ARMC3: variants seen among roughly 807,000 people sequenced by gnomAD.
The protein encoded by ARMC3 is armadillo repeat-containing protein 3.
ARMC3 carries 74 observed loss-of-function variants against 90.3 expected under a neutral mutation model. That is an observed-to-expected ratio of 0.82 (90% CI 0.68 to 0.99). ARMC3 has a LOEUF of 0.99. ARMC3 is among the 50% of genes least tolerant of loss of function. ARMC3 has a pLI of 0.00. For synonymous variants in ARMC3, 334 were observed against 361.8 expected, an observed-to-expected ratio of 0.92 and a Z score of 0.87; for missense variants, 958 against 1,042.8, an observed-to-expected ratio of 0.92 and a Z score of 1.12.
intron 2 of ARMC3, among the ~76,000 whole-genome samples, chr10:22,938,534 A>G (rs183629171): frequency 4.5e-4 from 68 of 152,318 alleles, no homozygotes; most frequent in African/African-American, 1.6e-3. Flanking sequence ...TGCAGTTAAG[A>G]TACAATGGCA....
At chr10:22,933,710 C>A (rs1834017337) in intron 2 of ARMC3, among the ~76,000 whole-genome samples, 1 of 152,006 alleles carries the variant, frequency 6.6e-6, no homozygotes, top group South Asian at 2.1e-4. Flanking sequence ...ATGGTGAAAC[C>A]CCGTCTCTAC....
chr10:22,966,716 T>A (rs1835454680), intron 7 of ARMC3, among the ~76,000 whole-genome samples: 1 of 152,054 alleles, frequency 6.6e-6, no homozygotes, highest in African/African-American at 2.4e-5. Context: ...TCAGGAAACT[T>A]ACAATCATAG....
chr10:22,929,243 A>C (rs1432103514), intron 1 of ARMC3, among the ~76,000 whole-genome samples: 1 of 151,202 alleles, frequency 6.6e-6, no homozygotes, highest in Admixed American at 6.6e-5. Context: ...AAGAAAAAGA[A>C]AAAAAGAGAA....
At position 23,036,726 on chromosome 10, in the gene ARMC3, A is replaced by AATC. The variant is rs547566946; in HGVS notation, c.2410-539_2410-537dup. On this transcript the variant is annotated intron_variant, in intron 18 of 18. Coordinates refer to ENST00000298032, the MANE Select transcript of ARMC3 (RefSeq NM_173081.5). ...TTGTTTTAATAACCTCAAAATCAGG[A>AATC]ATCATCAGAGGGCAAATTCAAGAGA... Among the ~76,000 whole-genome samples the AATC allele has an allele frequency of 2.8e-3, 431 of 152,324 alleles. 4 individuals are homozygous for AATC. The highest frequency in any genetic ancestry group is 9.7e-3 in the African/African-American group (403 of 41,560).
chr10:22,975,221 G>C (rs190209232), intron 8 of ARMC3, among the ~76,000 whole-genome samples: 1 of 152,190 alleles, frequency 6.6e-6, no homozygotes, highest in African/African-American at 2.4e-5. Context: ...AATTTAACTG[G>C]GTTTGGAATT....
intron 1 of ARMC3, among the ~76,000 whole-genome samples, chr10:22,931,516 G>T (rs1352697298): frequency 2.0e-5 from 3 of 152,118 alleles, no homozygotes; most frequent in Non-Finnish European, 4.4e-5. Flanking sequence ...AGGAAAAATG[G>T]AGTTAATGAG....
At chr10:22,959,018 C>A (rs951699076) in intron 4 of ARMC3, 52 bp from the exon 5 acceptor site, 7 of 1,426,712 alleles carry the variant, frequency 4.9e-6, no homozygotes, top group Non-Finnish European at 4.0e-6. Context: ...CCACCACACC[C>A]GGCCTATTAT....
chr10:23,011,562 T>G (rs1036015963), intron 16 of ARMC3, among the ~76,000 whole-genome samples: 1 of 152,200 alleles, frequency 6.6e-6, no homozygotes, highest in Non-Finnish European at 1.5e-5. Flanking sequence ...AGTGCAGGGA[T>G]GCAGAGGGTC....
intron 16 of ARMC3, among the ~76,000 whole-genome samples, chr10:23,026,691 T>C (rs1211971833): frequency 1.3e-5 from 2 of 152,194 alleles, no homozygotes; most frequent in Non-Finnish European, 2.9e-5. Context: ...ACTAGGATAT[T>C]GACATTGATA....
intron 3 of ARMC3, among the ~76,000 whole-genome samples, chr10:22,949,773 G>A (rs968295531): frequency 6.6e-6 from 1 of 152,006 alleles, no homozygotes; most frequent in African/African-American, 2.4e-5. Flanking sequence ...AAACCCAAGT[G>A]CAAAGAATAT....
At chr10:22,959,981 C>T (rs923162342) in intron 6 of ARMC3, 14 of 363,436 alleles carry the variant, frequency 3.9e-5, no homozygotes, top group South Asian at 1.0e-4. Flanking sequence ...TTATTTGTTG[C>T]TAAAAATCTA....
chr10:22,982,723 G>T (rs1836247935), intron 10 of ARMC3, among the ~76,000 whole-genome samples: 1 of 152,108 alleles, frequency 6.6e-6, no homozygotes, highest in Non-Finnish European at 1.5e-5. Context: ...TATTTGCCCT[G>T]CCTCCATCTC....
At chr10:23,013,525 A>T (rs983464100) in intron 16 of ARMC3, among the ~76,000 whole-genome samples, 1 of 152,228 alleles carries the variant, frequency 6.6e-6, no homozygotes, top group Non-Finnish European at 1.5e-5. Flanking sequence ...TGATGTTTTG[A>T]TATCTGTGTA....
chr10:22,929,059 C>G lies in ARMC3; in HGVS notation c.-2+953C>G, dbSNP rs1174499627. Among the ~76,000 whole-genome samples, 8 of 152,128 alleles carry G rather than the reference C, an allele frequency of 5.3e-5. No homozygotes were observed. In the South Asian group the frequency reaches 1.2e-3, roughly 24 times the overall value. On this transcript the variant is annotated intron_variant, in intron 1 of 18. Coordinates refer to ENST00000298032, the MANE Select transcript of ARMC3 (RefSeq NM_173081.5). The stretch of plus-strand genomic sequence containing the variant: ...CTGGTCAATGTGGGGAAACCTGTCT[C>G]TACTGAAAATACAAAAATTAGCCGA...
At chr10:22,979,439 C>A (rs1465282122) in intron 8 of ARMC3, among the ~76,000 whole-genome samples, 1 of 152,124 alleles carries the variant, frequency 6.6e-6, no homozygotes, top group African/African-American at 2.4e-5. Flanking sequence ...AAACTAATTG[C>A]CCTCAGTATC....
intron 3 of ARMC3, chr10:22,946,683 C>A (rs1564344251): frequency 6.5e-6 from 1 of 153,506 alleles, no homozygotes; most frequent in African/African-American, 2.4e-5. Flanking sequence ...ATCTCCTATG[C>A]AGAAGAATTC....
Position 23,008,309 on chromosome 10 carries a change from T to G in ARMC3, c.1863T>G (p.Asp621Glu), listed in dbSNP as rs781034029. The G allele has an allele frequency of 6.4e-7, 1 of 1,554,240 alleles. No individual in the cohort carries two copies. The highest frequency in any genetic ancestry group is 1.4e-5 in the African/African-American group (1 of 73,140). Residue 621 changes from aspartate to glutamate, a missense_variant, in exon 15 of 19, where the codon GAT becomes GAG. Transcript: ENST00000298032. ...SPPSSMEDKS[D>E]VGYGRSISSS... is the part of the protein sequence containing the mutation. ...CTTCATCTATGGAAGATAAATCAGA[T>G]GTTGGTTATGGACGAAGTATTTCTT...
intron 4 of ARMC3, among the ~76,000 whole-genome samples, chr10:22,956,303 G>A (rs547018037): frequency 6.6e-6 from 1 of 152,146 alleles, no homozygotes. Context: ...AAAGAGTTTT[G>A]ATAAACTCTT....
At chr10:22,943,917 G>C (rs1488802125) in intron 2 of ARMC3, among the ~76,000 whole-genome samples, 1 of 148,554 alleles carries the variant, frequency 6.7e-6, no homozygotes, top group Non-Finnish European at 1.5e-5. Context: ...CTGGGCGACA[G>C]AGTGAGACTC....
Sources: allele counts gnomAD v4.1 joint callset (sites outside exome capture counted in the v4.1 genomes callset), GRCh38; gene constraint gnomAD v4.1.1; transcripts MANE v1.5; gene names NCBI Gene and HGNC (gene_info 2026-07-23, HGNC 2026-07-21).